The following DOK5 variants were observed in gnomAD, a reference collection of about 807,000 sequenced individuals.
The protein encoded by DOK5 is downstream of tyrosine kinase 5.
Under a neutral mutation model 43.3 loss-of-function variants are expected in DOK5, and 27 were observed. The observed-to-expected ratio is 0.62, with a 90% CI of 0.46 to 0.86. DOK5 has a LOEUF of 0.86. Among genes scored for constraint, DOK5 ranks in the 40% least tolerant of loss-of-function variants. The pLI is 0.00. For synonymous variants in DOK5, 146 were observed against 140.1 expected, an observed-to-expected ratio of 1.04 and a Z score of -0.30; for missense variants, 373 against 392.9, an observed-to-expected ratio of 0.95 and a Z score of 0.43.
intron 5 of DOK5, among the ~76,000 whole-genome samples, chr20:54,596,233 G>C (rs1289760261): frequency 6.6e-6 from 1 of 152,130 alleles, no homozygotes; most frequent in African/African-American, 2.4e-5. Context: ...TTTTTCCTTG[G>C]CTATTTTTGG....
At chr20:54,498,977 A>G (rs1459927087) in intron 1 of DOK5, among the ~76,000 whole-genome samples, 3 of 152,240 alleles carry the variant, frequency 2.0e-5, no homozygotes, top group Non-Finnish European at 4.4e-5. Flanking sequence ...ACTGACTAAT[A>G]GCTGGTTCTG....
In DOK5 at chr20:54,504,085, C is replaced by T. The variant is rs553361721; in HGVS notation, c.66+28073C>T. 2.1e-4 allele frequency among the ~76,000 whole-genome samples: 32 copies of T among 152,254 alleles called. No homozygotes were observed. In the East Asian group the frequency reaches 6.2e-3, roughly 29 times the overall value. ...AGTGCGCATGAGTGAGAGTAGTGTGCACTGCCCTGAGCTTCCAGCGGGGAA... is the reference window on the plus strand; with the variant it reads ...AGTGCGCATGAGTGAGAGTAGTGTGTACTGCCCTGAGCTTCCAGCGGGGAA... On this transcript the variant is annotated intron_variant, in intron 1 of 7. Coordinates refer to ENST00000262593, the MANE Select transcript of DOK5 (RefSeq NM_018431.5).
At chr20:54,521,247 T>C (rs1983384049) in intron 1 of DOK5, among the ~76,000 whole-genome samples, 1 of 152,056 alleles carries the variant, frequency 6.6e-6, no homozygotes, top group African/African-American at 2.4e-5. Context: ...ATACCAATTC[T>C]CCAATAATAA....
chr20:54,567,882 A>G (rs770438586), intron 2 of DOK5, among the ~76,000 whole-genome samples: 29 of 152,116 alleles, frequency 1.9e-4, no homozygotes, highest in Non-Finnish European at 3.2e-4. Flanking sequence ...TTCAGCCTTC[A>G]AATCCTATGT....
chr20:54,477,710 G>A lies in DOK5; in HGVS notation c.66+1698G>A, dbSNP rs551362878. 2.6e-5 allele frequency among the ~76,000 whole-genome samples: 4 copies of A among 151,880 alleles called. No homozygotes were observed. In the South Asian group the frequency reaches 8.4e-4, roughly 32 times the overall value. On this transcript the variant is annotated intron_variant, in intron 1 of 7. Transcript: ENST00000262593. Reference sequence around the variant, plus strand: ...CTCCATCATGTCAATGGAAGGAATTGGTATGAGACATCCATTCTGTGTTAG... The same window carrying A: ...CTCCATCATGTCAATGGAAGGAATTAGTATGAGACATCCATTCTGTGTTAG...
At chr20:54,563,232 C>T (rs937246656) in intron 2 of DOK5, among the ~76,000 whole-genome samples, 1 of 152,168 alleles carries the variant, frequency 6.6e-6, no homozygotes, top group South Asian at 2.1e-4. Context: ...TTCTGTTGTG[C>T]AAGACACCTA....
intron 1 of DOK5, among the ~76,000 whole-genome samples, chr20:54,499,048 T>G (rs1300788404): frequency 1.3e-5 from 2 of 152,172 alleles, no homozygotes; most frequent in Non-Finnish European, 2.9e-5. Flanking sequence ...ATTTCATGGA[T>G]GAAGAAGTTG....
intron 2 of DOK5, among the ~76,000 whole-genome samples, chr20:54,582,244 GC>G (rs1163415110): frequency 2.0e-5 from 3 of 151,676 alleles, no homozygotes; most frequent in Non-Finnish European, 4.4e-5. Context: ...TTAATATGCT[GC>G]TGAATTCAGT....
At chr20:54,496,684 T>C (rs1443949538) in intron 1 of DOK5, among the ~76,000 whole-genome samples, 4 of 138,288 alleles carry the variant, frequency 2.9e-5, no homozygotes, top group Non-Finnish European at 6.0e-5. Context: ...GAGAATGGCA[T>C]GAACACGGGA....
At chr20:54,631,912 C>A (rs1314548031) in intron 6 of DOK5, among the ~76,000 whole-genome samples, 7 of 152,154 alleles carry the variant, frequency 4.6e-5, no homozygotes, top group Non-Finnish European at 1.0e-4. Flanking sequence ...GCAGAGGTTG[C>A]AGTGAGCCAA....
intron 1 of DOK5, among the ~76,000 whole-genome samples, chr20:54,499,424 A>G (rs757672138): frequency 1.6e-4 from 24 of 152,196 alleles, no homozygotes; most frequent in Non-Finnish European, 3.2e-4. Context: ...TCTGTTACCT[A>G]TACCTACCCT....
chr20:54,528,603 T>C (rs1983658474), intron 1 of DOK5, among the ~76,000 whole-genome samples: 2 of 152,206 alleles, frequency 1.3e-5, no homozygotes, highest in South Asian at 4.1e-4. Context: ...CAAAACTTCT[T>C]ATATCTCCTT....
intron 1 of DOK5, among the ~76,000 whole-genome samples, chr20:54,480,902 C>CTATCTATCATCT (rs1555822314): frequency 7.4e-6 from 1 of 134,882 alleles, no homozygotes; most frequent in African/African-American, 3.3e-5. Flanking sequence ...TTAAGGCCTC[C>CTATCTATCATCT]ATCTATCTAT....
chr20:54,540,154 T>C (rs1331156482), intron 1 of DOK5, among the ~76,000 whole-genome samples: 1 of 152,118 alleles, frequency 6.6e-6, no homozygotes, highest in African/African-American at 2.4e-5. Flanking sequence ...GCTTTTTTTT[T>C]TCAACTCTAC....
intron 5 of DOK5, among the ~76,000 whole-genome samples, chr20:54,600,121 G>A (rs1242326680): frequency 6.6e-6 from 1 of 152,152 alleles, no homozygotes; most frequent in African/African-American, 2.4e-5. Context: ...CCAGAAGGAA[G>A]ATGGAAGAAG....
intron 1 of DOK5, among the ~76,000 whole-genome samples, chr20:54,519,764 T>C (rs1306229980): frequency 6.6e-6 from 1 of 152,228 alleles, no homozygotes; most frequent in East Asian, 1.9e-4. Context: ...TCAATAACTA[T>C]GTTTGTGAAT....
rs966992103 is a variant in DOK5 at position 54,475,930 on chromosome 20, G to T, written c.-17G>T. The stretch of plus-strand genomic sequence containing the variant: ...GTGCGCGCTCTTGGGTAAAGGGGGG[G>T]TCACCGGCTGTCTGGGATGGCTTCC... On this transcript the variant is annotated 5_prime_UTR_variant, in exon 1 of 8. Coordinates refer to ENST00000262593, the MANE Select transcript of DOK5 (RefSeq NM_018431.5). The surrounding 1 kb of genome is among the most constrained non-coding windows in gnomAD (Gnocchi z 4.2). The T allele has an allele frequency of 1.2e-6, 2 of 1,612,812 alleles. No homozygotes were observed. Among genetic ancestry groups the T allele is most frequent in the East Asian group, 4.5e-5 (2 of 44,864 alleles).
intron 1 of DOK5, among the ~76,000 whole-genome samples, chr20:54,552,233 TC>T (rs1403723950): frequency 6.6e-6 from 1 of 152,184 alleles, no homozygotes; most frequent in Non-Finnish European, 1.5e-5. Context: ...TTTGTCTTTT[TC>T]CAATGCATTT....
At chr20:54,531,565 G>A (rs901283287) in intron 1 of DOK5, among the ~76,000 whole-genome samples, 2 of 152,206 alleles carry the variant, frequency 1.3e-5, no homozygotes. Flanking sequence ...TAGAAGTTGA[G>A]TCTCTTGCCT....
Sources: allele counts gnomAD v4.1 joint callset (sites outside exome capture counted in the v4.1 genomes callset), GRCh38; gene constraint gnomAD v4.1.1; non-coding constraint Gnocchi (gnomAD v3.1); transcripts MANE v1.5; gene names NCBI Gene and HGNC (gene_info 2026-07-23, HGNC 2026-07-21).